ATP7A: variants seen among roughly 807,000 people sequenced by gnomAD.
The protein encoded by ATP7A is copper-transporting ATPase 1.
ATP7A carries 7 observed loss-of-function variants against 83.5 expected under a neutral mutation model. The ratio of observed to expected loss-of-function variants is 0.08; its 90% CI spans 0.05 to 0.16. The LOEUF is 0.16. ATP7A is among the 10% of genes least tolerant of loss of function. The pLI is 1.00. For missense variants in ATP7A, 940 were observed against 1,120.8 expected (o/e 0.84, Z 2.30); for synonymous variants, 354 against 395.2 (o/e 0.90, Z 1.24).
intron 1 of ATP7A, among the ~76,000 whole-genome samples, chrX:77,947,442 A>AT (rs35717952): frequency 0.46 from 46,817 of 101,672 alleles, 10,330 homozygotes; most frequent in African/African-American, 0.82. Flanking sequence ...ATTTTACCAC[A>AT]TTTTTTTTTT....
intron 1 of ATP7A, among the ~76,000 whole-genome samples, chrX:77,951,662 C>T (rs868933426): frequency 1.5e-4 from 16 of 110,052 alleles, no homozygotes; most frequent in Middle Eastern, 4.6e-3. Flanking sequence ...TCACTGCACC[C>T]TCTGCCTCCC....
Position 77,983,386 on chromosome X carries a change from G to A in ATP7A, c.121-4856G>A, listed in dbSNP as rs183551750. Among the ~76,000 whole-genome samples, 279 of 112,104 alleles carry A rather than the reference G, an allele frequency of 2.5e-3. 1 individual carries two copies. The highest frequency in any genetic ancestry group is 8.8e-3 in the African/African-American group (271 of 30,887). ...TTCATATTGCCTAAGAATAGAAGAT[G>A]CAGTCTTTGTGGGTTTATGCAAATT... On this transcript the variant is annotated intron_variant, in intron 2 of 22. Transcript: ENST00000341514.
chrX:77,925,460 G>A (rs2077236883), intron 1 of ATP7A, among the ~76,000 whole-genome samples: 2 of 111,030 alleles, frequency 1.8e-5, no homozygotes, highest in African/African-American at 6.5e-5. Context: ...TTTTGGTTTT[G>A]CTGACTAAAT....
chrX:78,033,525 A>G (rs2077995160), intron 16 of ATP7A, 80 bp from the exon 17 acceptor site: 2 of 957,820 alleles, frequency 2.1e-6, no homozygotes, highest in Non-Finnish European at 3.0e-6. Context: ...TTTAGAATTA[A>G]CTAGGGGTTT....
At chrX:78,017,017 T>C (rs1353428505) in intron 12 of ATP7A, among the ~76,000 whole-genome samples, 1 of 112,540 alleles carries the variant, frequency 8.9e-6, no homozygotes, top group African/African-American at 3.2e-5. Context: ...ATATTTCCCT[T>C]CTGCACTGCC....
chrX:78,003,739 C>T (rs1242460593), intron 6 of ATP7A, among the ~76,000 whole-genome samples: 4 of 109,970 alleles, frequency 3.6e-5, no homozygotes, highest in African/African-American at 1.3e-4. Context: ...GTCAGGAGTT[C>T]GAGACCAGCC....
In ATP7A at chrX:78,046,942, A is replaced by G. The variant is rs2078087418; in HGVS notation, c.*372A>G. 1 of 175,589 alleles carries G rather than the reference A, an allele frequency of 5.7e-6. No homozygotes were observed. The highest frequency in any genetic ancestry group is 3.1e-5 in the African/African-American group (1 of 31,893). 14.5% of individuals were successfully genotyped at this position (175,589 alleles called of 1,213,427 possible). On this transcript the variant is annotated 3_prime_UTR_variant, in exon 23 of 23. Coordinates refer to ENST00000341514, the MANE Select transcript of ATP7A (RefSeq NM_000052.7). ...ATGAAAAATTTGAAGATTTGAGAGC[A>G]TGAAGATATTCATGCTTTTGAACTC...
intron 1 of ATP7A, among the ~76,000 whole-genome samples, chrX:77,939,751 A>G (rs2077340755): frequency 9.0e-6 from 1 of 111,052 alleles, no homozygotes; most frequent in African/African-American, 3.3e-5. Context: ...AAATATATCA[A>G]AATTATGCAG....
intron 1 of ATP7A, among the ~76,000 whole-genome samples, chrX:77,947,629 G>A (rs1237766040): frequency 2.7e-5 from 3 of 109,210 alleles, no homozygotes; most frequent in Non-Finnish European, 3.8e-5. Flanking sequence ...AGTAGAGACG[G>A]GTTTCGCCAT....
intron 1 of ATP7A, among the ~76,000 whole-genome samples, chrX:77,961,979 G>T (rs1166607224): frequency 1.8e-5 from 2 of 112,072 alleles, no homozygotes; most frequent in African/African-American, 6.5e-5. Context: ...CACTTCATGG[G>T]GGAAAAGAGA....
In ATP7A at chrX:77,914,337, A is replaced by T. The variant is rs1350949057; in HGVS notation, c.-22+3502A>T. On this transcript the variant is annotated intron_variant, in intron 1 of 22. Coordinates refer to ENST00000341514, the MANE Select transcript of ATP7A (RefSeq NM_000052.7). ...GCCATCATAACTCACTGCAGTCTCG[A>T]TCTCCCAGGCTCAAGCGATCCTCCT... Among the ~76,000 whole-genome samples the T allele has an allele frequency of 3.6e-5, 4 of 110,653 alleles. No homozygotes were observed. The Admixed American group carries it at 3.9e-4, about 11-fold the overall frequency.
chrX:77,926,119 T>A (rs2077240032), intron 1 of ATP7A, among the ~76,000 whole-genome samples: 1 of 111,030 alleles, frequency 9.0e-6, no homozygotes, highest in Non-Finnish European at 1.9e-5. Context: ...AAATCTATAG[T>A]ATCTTTCATT....
chrX:77,972,007 ATTTATAT>A (rs1438855522), intron 2 of ATP7A, among the ~76,000 whole-genome samples: 1 of 111,604 alleles, frequency 9.0e-6, no homozygotes, highest in Non-Finnish European at 1.9e-5. Context: ...ATATTTATAG[ATTTATAT>A]TTTATAAGTA....
chrX:77,938,686 T>A (rs1226448997), intron 1 of ATP7A, among the ~76,000 whole-genome samples: 1 of 112,188 alleles, frequency 8.9e-6, no homozygotes, highest in East Asian at 2.8e-4. Context: ...CCCTGTTTAT[T>A]TCTGTAAATA....
intron 10 of ATP7A, among the ~76,000 whole-genome samples, chrX:78,013,846 T>C (rs868946281): frequency 8.2e-5 from 9 of 110,024 alleles, no homozygotes; most frequent in Non-Finnish European, 1.7e-4. Context: ...AGTGAAGTAT[T>C]TTTACTACAA....
At chrX:77,927,009 T>C (rs782277383) in intron 1 of ATP7A, among the ~76,000 whole-genome samples, 7 of 112,085 alleles carry the variant, frequency 6.2e-5, no homozygotes, top group Non-Finnish European at 1.3e-4. Flanking sequence ...GGCTCACTAC[T>C]TGATTTTATA....
intron 1 of ATP7A, among the ~76,000 whole-genome samples, chrX:77,955,405 G>A (rs782565489): frequency 1.3e-4 from 14 of 111,344 alleles, no homozygotes; most frequent in Non-Finnish European, 2.6e-4. Context: ...TTAGAACAAT[G>A]TTTCTTAGAA....
chrX:78,016,285 T>C (rs782687231), intron 12 of ATP7A, among the ~76,000 whole-genome samples: 4 of 110,658 alleles, frequency 3.6e-5, no homozygotes, highest in Non-Finnish European at 7.6e-5. Flanking sequence ...GAGAACTCAC[T>C]CACTATCATG....
intron 2 of ATP7A, among the ~76,000 whole-genome samples, 158 bp downstream of exon 2, chrX:77,971,919 T>G (rs1557229706): frequency 8.9e-6 from 1 of 112,015 alleles, no homozygotes; most frequent in Non-Finnish European, 1.9e-5. Flanking sequence ...CTTTGACCCA[T>G]TAATTCCTCT....
Sources: gnomAD v4.1 joint callset for allele counts (sites outside exome capture counted in the v4.1 genomes callset) on GRCh38, gnomAD v4.1.1 for gene constraint, MANE v1.5 for transcripts, NCBI Gene and HGNC (gene_info 2026-07-23, HGNC 2026-07-21) for gene names.